The following TENM2 variants were observed in gnomAD, a reference collection of about 807,000 sequenced individuals.
TENM2 encodes the protein teneurin transmembrane protein 2.
Under a neutral mutation model 245.2 loss-of-function variants are expected in TENM2, and 52 were observed. That is an observed-to-expected ratio of 0.21 (90% confidence interval 0.17 to 0.27). The LOEUF is 0.27. Among genes scored for constraint, TENM2 ranks in the 10% least tolerant of loss-of-function variants. The pLI, the probability that TENM2 is intolerant of heterozygous loss-of-function variation, is 1.00. For synonymous variants in TENM2, 1,363 were observed against 1,438.9 expected (o/e 0.95, Z 1.19); for missense variants, 3,046 against 3,666.8 (o/e 0.83, Z 4.37).
At chr5:168,068,468 ATAGAGTT>A (rs1790693925) in intron 7 of TENM2, among the ~76,000 whole-genome samples, 1 of 152,196 alleles carries the variant, frequency 6.6e-6, no homozygotes, top group African/African-American at 2.4e-5. Context: ...TTTTGTTACC[ATAGAGTT>A]TACAGTTCAA....
chr5:167,248,183 T>C, the TENM2 span, among the ~76,000 whole-genome samples: 1 of 152,224 alleles, frequency 6.6e-6, no homozygotes, highest in East Asian at 1.9e-4. Flanking sequence ...GGATTTTTGC[T>C]GTAAGAGTTC....
chr5:167,251,862 A>G, the TENM2 span, among the ~76,000 whole-genome samples: 1 of 152,152 alleles, frequency 6.6e-6, no homozygotes, highest in Non-Finnish European at 1.5e-5. Context: ...TTCTAGCCCA[A>G]TCCTCTCAAA....
chr5:168,034,596 A>C (rs534039880), intron 5 of TENM2, among the ~76,000 whole-genome samples: 1 of 151,550 alleles, frequency 6.6e-6, no homozygotes, highest in East Asian at 2.0e-4. Context: ...ATTAAAAATA[A>C]AAATAATAAA....
chr5:168,008,569 G>A (rs962186927), intron 5 of TENM2, among the ~76,000 whole-genome samples: 1 of 152,210 alleles, frequency 6.6e-6, no homozygotes, highest in African/African-American at 2.4e-5. Flanking sequence ...TCAATAATCA[G>A]TGGGTGTGTG....
intron 3 of TENM2, among the ~76,000 whole-genome samples, chr5:167,921,652 A>G (rs1777381927): frequency 6.6e-6 from 1 of 152,218 alleles, no homozygotes; most frequent in Non-Finnish European, 1.5e-5. Context: ...ACTATGATAG[A>G]CGGGAAGCCA....
intron 9 of TENM2, among the ~76,000 whole-genome samples, chr5:168,110,770 T>C (rs1338998059): frequency 6.6e-6 from 1 of 152,204 alleles, no homozygotes; most frequent in Non-Finnish European, 1.5e-5. Flanking sequence ...CATTATGTAA[T>C]TAATGCTGTT....
At chr5:167,001,596 C>G in the TENM2 span, among the ~76,000 whole-genome samples, 1 of 151,826 alleles carries the variant, frequency 6.6e-6, no homozygotes, top group Non-Finnish European at 1.5e-5. Flanking sequence ...ATGTTGCTTA[C>G]TTTCTACAGT....
At chr5:167,016,848 A>G in the TENM2 span, among the ~76,000 whole-genome samples, 2 of 152,128 alleles carry the variant, frequency 1.3e-5, no homozygotes, top group African/African-American at 4.8e-5. Context: ...ATTCTTATTC[A>G]TGCTTTGTGG....
At chr5:167,395,930 T>C (rs1762026096) in intron 2 of TENM2, among the ~76,000 whole-genome samples, 1 of 152,108 alleles carries the variant, frequency 6.6e-6, no homozygotes, top group African/African-American at 2.4e-5. Context: ...CCTGTTAGGA[T>C]GGCCATTATC....
chr5:167,582,743 C>T (rs1775178861), intron 2 of TENM2, among the ~76,000 whole-genome samples: 1 of 152,030 alleles, frequency 6.6e-6, no homozygotes, highest in Admixed American at 6.6e-5. Context: ...CTGTGATTCT[C>T]CAGAAGCTTT....
At chr5:167,064,074 G>C in the TENM2 span, among the ~76,000 whole-genome samples, 1 of 152,086 alleles carries the variant, frequency 6.6e-6, no homozygotes, top group Non-Finnish European at 1.5e-5. Flanking sequence ...CAGGCATGTG[G>C]GCTGTTTGCC....
intron 2 of TENM2, among the ~76,000 whole-genome samples, chr5:167,455,477 A>G (rs1415884886): frequency 8.2e-6 from 1 of 121,384 alleles, no homozygotes; most frequent in Non-Finnish European, 1.7e-5. Context: ...TTTCAAATGT[A>G]TCTCCTGGGA....
chr5:167,109,209 G>T, the TENM2 span, among the ~76,000 whole-genome samples: 33 of 151,384 alleles, frequency 2.2e-4, no homozygotes, highest in Non-Finnish European at 3.8e-4. Flanking sequence ...TGGGCAAATA[G>T]AACACTTTTA....
At chr5:167,189,244 T>C in the TENM2 span, among the ~76,000 whole-genome samples, 1 of 152,190 alleles carries the variant, frequency 6.6e-6, no homozygotes, top group East Asian at 1.9e-4. Context: ...TCACTCATAG[T>C]GTGAAAAAGA....
At chr5:167,136,421 C>G in the TENM2 span, among the ~76,000 whole-genome samples, 4 of 152,268 alleles carry the variant, frequency 2.6e-5, no homozygotes, top group South Asian at 8.3e-4. Flanking sequence ...TTTATCAGCA[C>G]TGGTTGTGAA....
the TENM2 span, among the ~76,000 whole-genome samples, chr5:167,228,284 C>T: frequency 6.6e-6 from 1 of 151,984 alleles, no homozygotes; most frequent in Non-Finnish European, 1.5e-5. Context: ...CCCATTTCAG[C>T]TTCCCAAAGT....
chr5:167,592,686 C>A (rs918929412), intron 2 of TENM2, among the ~76,000 whole-genome samples: 2 of 152,074 alleles, frequency 1.3e-5, no homozygotes, highest in Non-Finnish European at 2.9e-5. Flanking sequence ...AATTTGAAAG[C>A]TTTTGGTATT....
chr5:167,694,561 G>A (rs755159613), intron 2 of TENM2, among the ~76,000 whole-genome samples: 16 of 152,132 alleles, frequency 1.1e-4, no homozygotes, highest in Non-Finnish European at 2.1e-4. Context: ...GTTCCTTCAT[G>A]CTGAGCCTAT....
chr5:167,573,426 T>A (rs1441950626), intron 2 of TENM2, among the ~76,000 whole-genome samples: 2 of 152,068 alleles, frequency 1.3e-5, no homozygotes, highest in African/African-American at 4.8e-5. Flanking sequence ...AAACAGAAGC[T>A]GCCAGACACT....
Sources: allele counts gnomAD v4.1 joint callset (sites outside exome capture counted in the v4.1 genomes callset), GRCh38; gene constraint gnomAD v4.1.1; transcripts MANE v1.5; gene names NCBI Gene and HGNC (gene_info 2026-07-23, HGNC 2026-07-21).